CSMD1: variants seen among roughly 807,000 people sequenced by gnomAD.
CSMD1 encodes the protein CUB and Sushi multiple domains 1, also known as CUB and sushi domain-containing protein 1.
A neutral mutation model predicts 417.5 loss-of-function variants in CSMD1; 213 were observed. The observed-to-expected ratio is 0.51, with a 90% CI of 0.46 to 0.57. The LOEUF is 0.57. CSMD1 is among the 20% of genes least tolerant of loss of function. The pLI, the probability that CSMD1 is intolerant of heterozygous loss-of-function variation, is 0.00. For synonymous variants in CSMD1, 2,862 were observed against 1,736.8 expected (o/e 1.65, Z -16.11); for missense variants, 6,923 against 4,529.7 (o/e 1.53, Z -15.17).
chr8:3,904,094 T>C (rs543718650), intron 5 of CSMD1, among the ~76,000 whole-genome samples: 1 of 152,200 alleles, frequency 6.6e-6, no homozygotes, highest in Non-Finnish European at 1.5e-5. Flanking sequence ...TTGTACATTA[T>C]TTTGTTTATG....
intron 5 of CSMD1, among the ~76,000 whole-genome samples, chr8:3,956,249 A>T (rs980861688): frequency 6.6e-6 from 1 of 152,230 alleles, no homozygotes; most frequent in African/African-American, 2.4e-5. Flanking sequence ...ACTTTTTCAC[A>T]AATTAATACA....
intron 6 of CSMD1, among the ~76,000 whole-genome samples, chr8:3,726,000 T>A (rs1320579633): frequency 6.6e-6 from 1 of 151,942 alleles, no homozygotes; most frequent in Non-Finnish European, 1.5e-5. Context: ...GGAGACCGGG[T>A]CACTGCAAGT....
intron 2 of CSMD1, among the ~76,000 whole-genome samples, chr8:4,593,934 A>G (rs1800124043): frequency 6.6e-6 from 1 of 152,152 alleles, no homozygotes; most frequent in African/African-American, 2.4e-5. Context: ...TCTGAAATCA[A>G]AATGTCAGGA....
At chr8:3,267,555 C>G (rs544285705) in intron 26 of CSMD1, among the ~76,000 whole-genome samples, 1 of 152,212 alleles carries the variant, frequency 6.6e-6, no homozygotes, top group East Asian at 1.9e-4. Flanking sequence ...CAGGGAGCTT[C>G]CAGCACAAGG....
chr8:4,459,101 C>T (rs150839102), intron 2 of CSMD1, among the ~76,000 whole-genome samples: 2 of 152,280 alleles, frequency 1.3e-5, no homozygotes, highest in African/African-American at 2.4e-5. Flanking sequence ...AGCCAGGGTA[C>T]GCTTCTAACC....
chr8:2,988,005 C>A (rs1806071866), intron 54 of CSMD1, among the ~76,000 whole-genome samples: 1 of 152,114 alleles, frequency 6.6e-6, no homozygotes, highest in African/African-American at 2.4e-5. Flanking sequence ...GTATTAAGCC[C>A]CGCATGCGTT....
intron 5 of CSMD1, among the ~76,000 whole-genome samples, chr8:3,951,036 TG>T (rs1754375978): frequency 6.6e-6 from 1 of 152,226 alleles, no homozygotes; most frequent in Non-Finnish European, 1.5e-5. Context: ...GTCACTTTAG[TG>T]AGATTTTTAA....
chr8:3,714,561 C>CAAAAACAAAAA lies in CSMD1; in HGVS notation c.932-6071_932-6070insTTTTTGTTTTT, dbSNP rs1372802238. ...ACATGGCGAAACCCCATCTCTATCC[C>CAAAAACAAAAA]AAAAAAAAAAAAAAAAAAAATTAGC... On this transcript the variant is annotated intron_variant, in intron 6 of 69. Coordinates refer to ENST00000635120, the MANE Select transcript of CSMD1 (RefSeq NM_033225.6). Among the ~76,000 whole-genome samples, 4 of 70,554 alleles carry CAAAAACAAAAA rather than the reference C, an allele frequency of 5.7e-5. 1 individual carries two copies. In the East Asian group the frequency reaches 2.0e-3, roughly 35 times the overall value. The allele number at this position is 70,554 out of a possible 152,430, so 46.3% of individuals were successfully genotyped here. A position where few individuals can be genotyped will look rare whatever the true frequency, so the allele number is the denominator to read the frequency against.
chr8:4,415,823 GTATT>G (rs1304647008), intron 3 of CSMD1, among the ~76,000 whole-genome samples: 2 of 152,188 alleles, frequency 1.3e-5, no homozygotes, highest in Non-Finnish European at 2.9e-5. Flanking sequence ...TTTTGAGTAT[GTATT>G]TGTGTATGTG....
intron 5 of CSMD1, among the ~76,000 whole-genome samples, chr8:3,773,889 A>G (rs1015316484): frequency 2.6e-5 from 4 of 152,162 alleles, no homozygotes; most frequent in Admixed American, 6.5e-5. Context: ...GGAAAATGCA[A>G]ACCAATAAAC....
At position 4,441,115 on chromosome 8, in the gene CSMD1, T is replaced by TTTTTTTTTTTTTTTTTA. The variant is rs1563176345; in HGVS notation, c.303-21051_303-21050insTAAAAAAAAAAAAAAAA. Among the ~76,000 whole-genome samples the TTTTTTTTTTTTTTTTTA allele has an allele frequency of 5.7e-5, 8 of 139,652 alleles. 1 individual carries two copies. Among genetic ancestry groups the TTTTTTTTTTTTTTTTTA allele is most frequent in the African/African-American group, 2.1e-4 (8 of 38,376 alleles). The allele number at this position is 139,652 out of a possible 152,430, so 91.6% of individuals were successfully genotyped here. On this transcript the variant is annotated intron_variant, in intron 2 of 69. Transcript: ENST00000635120. ...AAAAGGTTTTTTTTTTTTTTTTTTT[T>TTTTTTTTTTTTTTTTTA]TTTAAGAGATAGGGTCTCTGTCACC...
At chr8:3,747,801 T>G (rs530882171) in intron 6 of CSMD1, among the ~76,000 whole-genome samples, 1 of 152,304 alleles carries the variant, frequency 6.6e-6, no homozygotes, top group East Asian at 1.9e-4. Flanking sequence ...AAAAAGTCAT[T>G]GTTTTGTTCT....
At chr8:3,177,972 T>G (rs1005109211) in intron 37 of CSMD1, among the ~76,000 whole-genome samples, 2 of 152,230 alleles carry the variant, frequency 1.3e-5, no homozygotes, top group Non-Finnish European at 2.9e-5. Context: ...CATGTCCAGT[T>G]AAGTTAAATA....
chr8:4,820,586 A>G (rs1393030810), intron 1 of CSMD1, among the ~76,000 whole-genome samples: 1 of 152,184 alleles, frequency 6.6e-6, no homozygotes, highest in African/African-American at 2.4e-5. Context: ...AAATGCGTGA[A>G]AACAAACGGG....
chr8:3,789,572 G>A (rs977233855), intron 5 of CSMD1, among the ~76,000 whole-genome samples: 10 of 150,856 alleles, frequency 6.6e-5, no homozygotes, highest in African/African-American at 2.4e-4. Context: ...TCACTCACTT[G>A]CTAAATAAAG....
intron 21 of CSMD1, among the ~76,000 whole-genome samples, chr8:3,352,654 A>G (rs1292457547): frequency 2.0e-5 from 3 of 152,196 alleles, no homozygotes; most frequent in Non-Finnish European, 4.4e-5. Context: ...AGCCTGGCCA[A>G]CATGGTGAAA....
chr8:3,423,364 T>C (rs535100717), intron 12 of CSMD1, among the ~76,000 whole-genome samples: 3 of 152,202 alleles, frequency 2.0e-5, no homozygotes, highest in Admixed American at 2.0e-4. Flanking sequence ...TGGCAACCAG[T>C]GATCTGATTT....
chr8:3,530,644 C>G (rs1457974698), intron 10 of CSMD1, among the ~76,000 whole-genome samples: 2 of 152,112 alleles, frequency 1.3e-5, no homozygotes, highest in Non-Finnish European at 2.9e-5. Flanking sequence ...GCCTCAGCTT[C>G]TCAAGTAGCT....
chr8:4,459,088 T>G (rs1468447745), intron 2 of CSMD1, among the ~76,000 whole-genome samples: 1 of 152,156 alleles, frequency 6.6e-6, no homozygotes, highest in Non-Finnish European at 1.5e-5. Context: ...ACCTGCAGAT[T>G]CCAGCCAGGG....
Sources: gnomAD v4.1 joint callset for allele counts (sites outside exome capture counted in the v4.1 genomes callset) on GRCh38, gnomAD v4.1.1 for gene constraint, MANE v1.5 for transcripts, NCBI Gene and HGNC (gene_info 2026-07-23, HGNC 2026-07-21) for gene names.